TENM2: variants seen among roughly 807,000 people sequenced by gnomAD.
TENM2 encodes the protein teneurin transmembrane protein 2.
TENM2 carries 52 observed loss-of-function variants against 245.2 expected under a neutral mutation model. The ratio of observed to expected loss-of-function variants is 0.21; its 90% confidence interval spans 0.17 to 0.27. TENM2 has a LOEUF of 0.27. TENM2 is among the 10% of genes least tolerant of loss of function. The pLI is 1.00. For missense variants in TENM2, 3,046 were observed against 3,666.8 expected, an observed-to-expected ratio of 0.83 and a Z score of 4.37; for synonymous variants, 1,363 against 1,438.9, an observed-to-expected ratio of 0.95 and a Z score of 1.19.
At chr5:167,816,184 T>A (rs966154840) in intron 2 of TENM2, among the ~76,000 whole-genome samples, 1 of 152,118 alleles carries the variant, frequency 6.6e-6, no homozygotes, top group Non-Finnish European at 1.5e-5. Context: ...AGAAGACACC[T>A]GTTTCCGGAA....
chr5:167,935,172 G>T (rs1439148318), intron 3 of TENM2, among the ~76,000 whole-genome samples: 1 of 152,168 alleles, frequency 6.6e-6, no homozygotes, highest in African/African-American at 2.4e-5. Context: ...GTGCAATGGA[G>T]TGTCGTGAAT....
chr5:167,901,955 A>T (rs1225596981), intron 3 of TENM2, among the ~76,000 whole-genome samples: 1 of 152,234 alleles, frequency 6.6e-6, no homozygotes, highest in Non-Finnish European at 1.5e-5. Flanking sequence ...ACAAAATGTG[A>T]TATTAGCATA....
chr5:167,421,323 G>A (rs570388141), intron 2 of TENM2, among the ~76,000 whole-genome samples: 7 of 152,286 alleles, frequency 4.6e-5, no homozygotes, highest in African/African-American at 1.2e-4. Flanking sequence ...TGATAGAGTA[G>A]TCACTTATAT....
At chr5:168,146,163 A>G (rs368449886) in intron 12 of TENM2, among the ~76,000 whole-genome samples, 5 of 151,684 alleles carry the variant, frequency 3.3e-5, no homozygotes, top group East Asian at 1.9e-4. Context: ...CTAATTGAAT[A>G]CCCTTTATTT....
intron 13 of TENM2, among the ~76,000 whole-genome samples, chr5:168,163,680 C>T (rs4976538): frequency 0.17 from 25,962 of 152,136 alleles, 2,836 homozygotes; most frequent in East Asian, 0.49. Context: ...CAGAAATAAA[C>T]TCTCCCAGGT....
At chr5:167,028,815 A>AC in the TENM2 span, among the ~76,000 whole-genome samples, 1 of 152,066 alleles carries the variant, frequency 6.6e-6, no homozygotes, top group Non-Finnish European at 1.5e-5. Flanking sequence ...TGTTAGTAGC[A>AC]CCTGTCCCAA....
chr5:168,185,945 T>A (rs2878894), intron 13 of TENM2, among the ~76,000 whole-genome samples: 2 of 4,758 alleles, frequency 4.2e-4, no homozygotes, highest in Non-Finnish European at 7.2e-4. Flanking sequence ...TATATATATA[T>A]ATATATATAT....
the TENM2 span, among the ~76,000 whole-genome samples, chr5:167,144,796 A>G: frequency 6.6e-6 from 1 of 152,210 alleles, no homozygotes; most frequent in East Asian, 1.9e-4. Flanking sequence ...GCTTTAGTGT[A>G]TGCTTTAGTT....
chr5:168,095,513 C>T lies in TENM2; in HGVS notation c.1712-2513C>T, dbSNP rs114335087. ...ACATTCTCTTTAAGTAGCTTCCTTT[C>T]GTTACTCCATCTCAGTATCTTATTC... On this transcript the variant is annotated intron_variant, in intron 8 of 28. Coordinates refer to ENST00000518659, the Ensembl canonical transcript of TENM2. Among the ~76,000 whole-genome samples, 408 of 152,278 alleles carry T rather than the reference C, an allele frequency of 2.7e-3. 3 individuals carry two copies. Among genetic ancestry groups the T allele is most frequent in the African/African-American group, 9.5e-3 (394 of 41,554 alleles).
intron 2 of TENM2, among the ~76,000 whole-genome samples, chr5:167,401,457 A>G (rs926899211): frequency 3.9e-5 from 6 of 152,176 alleles, no homozygotes; most frequent in African/African-American, 9.6e-5. Context: ...CATAATTTAT[A>G]TAGCATTTGA....
At chr5:167,779,672 A>G (rs965196707) in intron 2 of TENM2, among the ~76,000 whole-genome samples, 1 of 152,230 alleles carries the variant, frequency 6.6e-6, no homozygotes, top group African/African-American at 2.4e-5. Flanking sequence ...GAGTTTTAGG[A>G]TATGTATCAG....
intron 1 of TENM2, among the ~76,000 whole-genome samples, chr5:167,311,136 C>T (rs763989997): frequency 2.0e-5 from 3 of 152,116 alleles, no homozygotes; most frequent in African/African-American, 7.2e-5. Context: ...ACTGCATAAC[C>T]GAGCTTCATT....
At chr5:167,445,336 T>TATATATATATAGAGAGAGAGAGAGAG (rs368881390) in intron 2 of TENM2, among the ~76,000 whole-genome samples, 1 of 77,304 alleles carries the variant, frequency 1.3e-5, no homozygotes, top group African/African-American at 5.5e-5. Context: ...TATATATATA[T>TATATATATATAGAGAGAGAGAGAGAG]AGAGAGAGAG....
intron 2 of TENM2, among the ~76,000 whole-genome samples, chr5:167,792,840 T>G (rs976885396): frequency 6.6e-6 from 1 of 151,872 alleles, no homozygotes; most frequent in Non-Finnish European, 1.5e-5. Flanking sequence ...ATGAAAAGAG[T>G]TTTGCTCTAG....
At chr5:168,184,334 G>A (rs891748512) in intron 13 of TENM2, among the ~76,000 whole-genome samples, 5 of 152,112 alleles carry the variant, frequency 3.3e-5, no homozygotes, top group Admixed American at 6.6e-5. Context: ...CAGCAGCTGC[G>A]TGCAGACACT....
At chr5:168,074,006 C>G (rs1791248003) in intron 7 of TENM2, among the ~76,000 whole-genome samples, 1 of 152,178 alleles carries the variant, frequency 6.6e-6, no homozygotes, top group Non-Finnish European at 1.5e-5. Flanking sequence ...CCAGGGAACT[C>G]GTTCACCTAT....
At chr5:167,621,721 T>C (rs1226401825) in intron 2 of TENM2, among the ~76,000 whole-genome samples, 2 of 152,142 alleles carry the variant, frequency 1.3e-5, no homozygotes, top group South Asian at 4.1e-4. Flanking sequence ...AGGTAAGCAA[T>C]TAACAAGTAT....
At chr5:167,465,787 C>T (rs138202007) in intron 2 of TENM2, among the ~76,000 whole-genome samples, 9,988 of 151,922 alleles carry the variant, frequency 0.066, 471 homozygotes, top group Non-Finnish European at 0.098. Context: ...GCGGAGATCG[C>T]GCCACTGCAC....
intron 2 of TENM2, among the ~76,000 whole-genome samples, chr5:167,798,203 C>T (rs1251844861): frequency 6.6e-6 from 1 of 152,214 alleles, no homozygotes; most frequent in African/African-American, 2.4e-5. Context: ...AGAGTCTTGA[C>T]ACCCCTACCA....
Sources: allele counts gnomAD v4.1 joint callset (sites outside exome capture counted in the v4.1 genomes callset), GRCh38; gene constraint gnomAD v4.1.1; transcripts MANE v1.5; gene names NCBI Gene and HGNC (gene_info 2026-07-23, HGNC 2026-07-21).